TRIM36: variants seen among roughly 807,000 people sequenced by gnomAD.
TRIM36 encodes the protein E3 ubiquitin-protein ligase TRIM36.
TRIM36 carries 42 observed loss-of-function variants against 72.4 expected under a neutral mutation model. The ratio of observed to expected loss-of-function variants is 0.58; its 90% CI spans 0.45 to 0.75. The LOEUF (loss-of-function observed/expected upper bound fraction) is 0.75, where lower values mean the gene tolerates loss of function less well. Among genes scored for constraint, TRIM36 ranks in the 30% least tolerant of loss-of-function variants. The pLI, the probability that TRIM36 is intolerant of heterozygous loss-of-function variation, is 0.00. For synonymous variants in TRIM36, 315 were observed against 282.8 expected (o/e 1.11, Z -1.14); for missense variants, 913 against 857.1 (o/e 1.07, Z -0.81).
chr5:115,135,155 T>C (rs906772840), intron 7 of TRIM36, among the ~76,000 whole-genome samples: 33 of 152,322 alleles, frequency 2.2e-4, no homozygotes, highest in Middle Eastern at 3.4e-3. Flanking sequence ...TGCAAAGTCC[T>C]TTCTATAGAG....
rs558901169 is a variant in TRIM36 at position 115,147,250 on chromosome 5, G to C, written c.407C>G (p.Ala136Gly). Residue 136 changes from alanine (A) to glycine (G), a missense_variant, in exon 3 of 10, where the codon GCA becomes GGA. By Grantham distance (60) the Ala-to-Gly change is moderately conservative. Coordinates refer to ENST00000513154, the MANE Select transcript of TRIM36 (RefSeq NM_001300759.2). Reference sequence around the variant, plus strand: ...CATAATGGCTGTGGCTGCCCTAGCTGCTTGACGATATCTTTCCACAATAGT... The same window carrying C: ...CATAATGGCTGTGGCTGCCCTAGCTCCTTGACGATATCTTTCCACAATAGT... ...LETIVERYRQ[A>G]ARAATAIMCD... is the part of the protein sequence containing the mutation. The C allele has an allele frequency of 1.2e-6, 2 of 1,614,182 alleles. No individual in the cohort carries two copies. The highest frequency in any genetic ancestry group is 2.7e-5 in the African/African-American group (2 of 75,038).
chr5:115,126,245 G>A lies in TRIM36; in HGVS notation c.*258C>T, dbSNP rs1020434962. On this transcript the variant is annotated 3_prime_UTR_variant, in exon 10 of 10. Transcript: ENST00000513154. ...ATAAATTAGATATCCTGTACATAAA[G>A]TAAAAGACAGTCCAGTTGCAAAGTT... The A allele has an allele frequency of 2.4e-6, 1 of 417,236 alleles. No individual in the cohort carries two copies. The highest frequency in any genetic ancestry group is 4.3e-6 in the Non-Finnish European group (1 of 234,368). 25.8% of individuals were successfully genotyped at this position (417,236 alleles called of 1,614,324 possible).
At chr5:115,143,127 C>A (rs1307344742) in intron 4 of TRIM36, among the ~76,000 whole-genome samples, 3 of 148,524 alleles carry the variant, frequency 2.0e-5, no homozygotes, top group Non-Finnish European at 4.4e-5. Context: ...AGGAAACTGT[C>A]CAAGCCCAGG....
rs560745353 is a variant in TRIM36 at position 115,144,635 on chromosome 5, C to A, written c.698G>T (p.Arg233Leu). 6.2e-7 allele frequency: 1 copy of A among 1,614,130 alleles called. No individual in the cohort carries two copies. Among genetic ancestry groups the A allele is most frequent in the Non-Finnish European group, 8.5e-7 (1 of 1,180,018 alleles). The change falls in exon 4 of 10, where the codon CGT becomes CTT. Residue 233 changes from arginine to leucine, a missense_variant. Coordinates refer to ENST00000513154, the MANE Select transcript of TRIM36 (RefSeq NM_001300759.2). ...GTAGGCACTGCTCATAGTGGTTACA[C>A]GGTGGTTGGCATGATTACCACCCAA... ...CKLGGNHANH[R>L]VTTMSSAYKT...
intron 9 of TRIM36, among the ~76,000 whole-genome samples, chr5:115,127,141 G>A (rs1337824984): frequency 6.6e-6 from 1 of 152,146 alleles, no homozygotes. Context: ...TGAGGGAGCG[G>A]GCAGTGATAA....
chr5:115,161,490 C>A (rs1754478798), intron 2 of TRIM36, among the ~76,000 whole-genome samples: 1 of 152,196 alleles, frequency 6.6e-6, no homozygotes, highest in African/African-American at 2.4e-5. Flanking sequence ...GGGTCACAGC[C>A]AAAGACATGT....
At chr5:115,172,068 T>G (rs1430118483), upstream of TRIM36, among the ~76,000 whole-genome samples, 1 of 152,230 alleles carries the variant, frequency 6.6e-6, no homozygotes, top group Non-Finnish European at 1.5e-5. Flanking sequence ...AATTTTTGAA[T>G]ATTTTTGTGC....
intron 1 of TRIM36, among the ~76,000 whole-genome samples, chr5:115,168,288 C>T (rs1402614320): frequency 6.6e-6 from 1 of 152,202 alleles, no homozygotes; most frequent in African/African-American, 2.4e-5. Context: ...TTAGACTCAT[C>T]ACAACTAAAA....
chr5:115,150,084 A>C (rs1395525262), intron 2 of TRIM36, among the ~76,000 whole-genome samples: 1 of 152,214 alleles, frequency 6.6e-6, no homozygotes, highest in East Asian at 1.9e-4. Flanking sequence ...TTTCTTACAA[A>C]TGCTAAAGAA....
At chr5:115,153,521 T>G (rs565977309) in intron 2 of TRIM36, among the ~76,000 whole-genome samples, 5 of 152,254 alleles carry the variant, frequency 3.3e-5, no homozygotes, top group South Asian at 4.1e-4. Flanking sequence ...TTTTTTTTTC[T>G]TTGAGATGGA....
chr5:115,130,874 A>G lies in TRIM36; in HGVS notation c.1514T>C (p.Phe505Ser), dbSNP rs1468266065. ...ATTATTATAGCCACATTTTTCATCA[A>G]AGAGGAAGCTGAAAACTAAATGGAG... is the stretch of plus-strand genomic sequence containing the variant. ...TPPAPVFSFL[F>S]DEKCGYNNEH... The change falls in exon 9 of 10, where the codon TTT (phenylalanine) becomes TCT (serine). Residue 505 changes from phenylalanine (F) to serine (S), a missense_variant. Transcript: ENST00000513154. The G allele has an allele frequency of 6.2e-7, 1 of 1,606,586 alleles. No individual in the cohort carries two copies. The highest frequency in any genetic ancestry group is 8.5e-7 in the Non-Finnish European group (1 of 1,174,982).
At position 115,152,944 on chromosome 5, in the gene TRIM36, C is replaced by A. The variant is rs1299707756; in HGVS notation, c.263-5550G>T. The stretch of plus-strand genomic sequence containing the variant: ...CATAAAACACACAGGACCTATAAAA[C>A]AAAAATAAGATTTAAAAAACAACAA... On this transcript the variant is annotated intron_variant, in intron 2 of 9. Transcript: ENST00000513154. Among the ~76,000 whole-genome samples, 3 of 151,930 alleles carry A rather than the reference C, an allele frequency of 2.0e-5. No homozygotes were observed. In the East Asian group the frequency reaches 5.8e-4, roughly 29 times the overall value.
upstream of TRIM36, among the ~76,000 whole-genome samples, chr5:115,171,449 CAA>C (rs1755113745): frequency 6.6e-6 from 1 of 152,182 alleles, no homozygotes; most frequent in Non-Finnish European, 1.5e-5. Flanking sequence ...AGGAGACTAA[CAA>C]ATGCCTGCGT....
Position 115,175,153 on chromosome 5 carries a change from TA to T in TRIM36, c.63+4821del, listed in dbSNP as rs111847672. Among the ~76,000 whole-genome samples the T allele has an allele frequency of 2.8e-3, 410 of 146,254 alleles. 1 individual carries two copies. Among genetic ancestry groups the T allele is most frequent in the African/African-American group, 5.2e-3 (208 of 40,236 alleles). On this transcript the variant is annotated intron_variant, in intron 1 of 9. Transcript: ENST00000282369. ...TCCAAATATCACATTGCACATATTC[TA>T]AAAAAAAAAAAAGTATTTATCTCAA...
chr5:115,180,148 A>G (rs1039980300), exon 1 of TRIM36: 3 of 1,088,146 alleles, frequency 2.8e-6, no homozygotes, highest in Admixed American at 4.0e-5. Flanking sequence ...CCCGCCCATA[A>G]GCTGTTAACC....
chr5:115,152,547 A>G (rs1753950308), intron 2 of TRIM36, among the ~76,000 whole-genome samples: 1 of 152,202 alleles, frequency 6.6e-6, no homozygotes, highest in Non-Finnish European at 1.5e-5. Flanking sequence ...TCGCAAAAAG[A>G]TCACTGCCCA....
intron 2 of TRIM36, among the ~76,000 whole-genome samples, chr5:115,155,607 T>G (rs982850468): frequency 1.3e-5 from 2 of 152,096 alleles, no homozygotes; most frequent in African/African-American, 4.8e-5. Context: ...TTTGACAAAA[T>G]CTAGCATCCC....
Position 115,125,894 on chromosome 5 carries a change from T to C in TRIM36, c.*609A>G, listed in dbSNP as rs1482868824. 1 of 152,192 alleles carries C rather than the reference T, an allele frequency of 6.6e-6. No homozygotes were observed. Among genetic ancestry groups the C allele is most frequent in the African/African-American group, 2.4e-5 (1 of 41,448 alleles). The allele number at this position is 152,192 out of a possible 1,614,324, so 9.4% of individuals were successfully genotyped here. A position where few individuals can be genotyped will look rare whatever the true frequency, so the allele number is the denominator to read the frequency against. ...TCCTTAGCAATACAGTTTGTGGTCT[T>C]AACAAAACAAAACAGTAGTATTCCT... On this transcript the variant is annotated 3_prime_UTR_variant, in exon 10 of 10. Transcript: ENST00000513154.
intron 7 of TRIM36, among the ~76,000 whole-genome samples, chr5:115,134,987 A>G (rs1028805340): frequency 6.6e-6 from 1 of 152,210 alleles, no homozygotes; most frequent in Non-Finnish European, 1.5e-5. Flanking sequence ...AACTAACTCA[A>G]AGGTAATTAC....
Sources: allele counts gnomAD v4.1 joint callset (sites outside exome capture counted in the v4.1 genomes callset), GRCh38; gene constraint gnomAD v4.1.1; transcripts MANE v1.5; gene names NCBI Gene and HGNC (gene_info 2026-07-23, HGNC 2026-07-21).